The following NEDD1 variants were observed in gnomAD, a reference collection of about 807,000 sequenced individuals.
NEDD1 encodes protein NEDD1.
In NEDD1, 33 loss-of-function variants were observed where a neutral mutation model predicts 74.0. The observed-to-expected ratio is 0.45, with a 90% confidence interval of 0.34 to 0.60. The LOEUF (loss-of-function observed/expected upper bound fraction) is 0.60, where lower values mean the gene tolerates loss of function less well. NEDD1 is among the 20% of genes least tolerant of loss of function. The pLI is 0.01. For synonymous variants in NEDD1, 250 were observed against 264.4 expected (o/e 0.95, Z 0.53); for missense variants, 746 against 776.5 (o/e 0.96, Z 0.47).
chr12:96,921,341 C>T (rs1484858929), intron 6 of NEDD1, among the ~76,000 whole-genome samples: 1 of 152,066 alleles, frequency 6.6e-6, no homozygotes, highest in African/African-American at 2.4e-5. Context: ...ACCATCATGC[C>T]CAGCTAATTT....
chr12:96,920,445 T>A (rs1311743956), intron 6 of NEDD1, among the ~76,000 whole-genome samples: 3 of 152,198 alleles, frequency 2.0e-5, no homozygotes, highest in African/African-American at 7.2e-5. Context: ...TATAGAAATG[T>A]GTCACATAGC....
intron 6 of NEDD1, among the ~76,000 whole-genome samples, chr12:96,927,008 GTA>G (rs1054287637): frequency 7.8e-6 from 1 of 128,032 alleles, no homozygotes; most frequent in Admixed American, 8.1e-5. Flanking sequence ...GTGTGTGTGT[GTA>G]TAATATATAT....
chr12:96,941,358 C>T (rs373657679), intron 10 of NEDD1, among the ~76,000 whole-genome samples: 3 of 152,102 alleles, frequency 2.0e-5, no homozygotes, highest in East Asian at 3.9e-4. Context: ...AAATGTTCTA[C>T]AATTTTATAG....
chr12:96,907,684 G>T lies in NEDD1; in HGVS notation c.-181G>T. 1 of 1,550,538 alleles carries T rather than the reference G, an allele frequency of 6.4e-7. No individual in the cohort carries two copies. Among genetic ancestry groups the T allele is most frequent in the Non-Finnish European group, 8.7e-7 (1 of 1,146,130 alleles). ...AGTGTATTTTTGGTGATTGAAAGTT[G>T]GAGAACTTTCATTTCAGCTGAGTGG... On this transcript the variant is annotated 5_prime_UTR_variant, in exon 2 of 16. Coordinates refer to ENST00000266742, the MANE Select transcript of NEDD1 (RefSeq NM_152905.4).
At chr12:96,909,680 A>C in intron 2 of NEDD1, 72 bp from the exon 3 acceptor site, 1 of 1,225,822 alleles carries the variant, frequency 8.2e-7, no homozygotes, top group Non-Finnish European at 1.2e-6. Flanking sequence ...GTTTTAGATT[A>C]GATTTTGACC....
chr12:96,943,779 G>A lies in NEDD1; in HGVS notation c.1497+17G>A, dbSNP rs775358064. 15 of 1,517,242 alleles carry A rather than the reference G, an allele frequency of 9.9e-6. No individual in the cohort carries two copies. The South Asian group carries it at 1.6e-4, about 16-fold the overall frequency. The allele number at this position is 1,517,242 out of a possible 1,614,324, so 94.0% of individuals were successfully genotyped here. A position where few individuals can be genotyped will look rare whatever the true frequency, so the allele number is the denominator to read the frequency against. On this transcript the variant is annotated intron_variant, in intron 12 of 15. Coordinates refer to ENST00000266742, the MANE Select transcript of NEDD1 (RefSeq NM_152905.4). ...TTCAAACAGGTATTTGCCTGAAAAT[G>A]ATACTGAACTCACTGTATGTGTTTA... is the stretch of plus-strand genomic sequence containing the variant.
At position 96,920,071 on chromosome 12, in the gene NEDD1, A is replaced by G. The variant is rs2136530610; in HGVS notation, c.435A>G (p.Leu145=). 6.2e-7 allele frequency: 1 copy of G among 1,605,902 alleles called. No individual in the cohort carries two copies. Among genetic ancestry groups the G allele is most frequent in the Non-Finnish European group, 8.5e-7 (1 of 1,173,010 alleles). Residue 145 remains leucine, a synonymous_variant, in exon 6 of 16, where the codon TTA becomes TTG. Transcript: ENST00000266742. ...ASGSLSGEII[L]HSVTTNLSST... ...GATCTCTTAGTGGTGAAATTATTTT[A>G]CACAGTGTAACCACTAATTTATCTA...
intron 15 of NEDD1, 142 bp downstream of exon 15, chr12:96,951,640 A>C (rs936710238): frequency 1.3e-5 from 7 of 543,446 alleles, no homozygotes; most frequent in African/African-American, 7.9e-5. Context: ...TAAATAAGTA[A>C]AATAGATTTT....
At position 96,943,438 on chromosome 12, in the gene NEDD1, C is replaced by A. The variant is rs1877864853; in HGVS notation, c.1295-122C>A. On this transcript the variant is annotated intron_variant, in intron 11 of 15. Coordinates refer to ENST00000266742, the MANE Select transcript of NEDD1 (RefSeq NM_152905.4). ...TGCGGGGTGTATCTGAGAAACAAAC[C>A]AGTCTTCAGAATGCAGATCCATATC... is the stretch of plus-strand genomic sequence containing the variant. 16 of 680,124 alleles carry A rather than the reference C, an allele frequency of 2.4e-5. 1 individual carries two copies. The South Asian group carries it at 2.4e-4, about 10-fold the overall frequency. The allele number at this position is 680,124 out of a possible 1,614,324, so 42.1% of individuals were successfully genotyped here.
At chr12:96,926,320 T>G (rs1193679636) in intron 6 of NEDD1, among the ~76,000 whole-genome samples, 1 of 152,158 alleles carries the variant, frequency 6.6e-6, no homozygotes, top group Non-Finnish European at 1.5e-5. Context: ...AGTCTGTTGG[T>G]TTTTTTCCCC....
intron 10 of NEDD1, 68 bp downstream of exon 10, chr12:96,940,605 G>A: frequency 8.9e-7 from 1 of 1,124,230 alleles, no homozygotes; most frequent in Non-Finnish European, 1.3e-6. Context: ...TAAAAGATGT[G>A]AATAATAGCT....
At chr12:96,912,653 G>A (rs778238906) in intron 3 of NEDD1, 70 bp from the exon 4 acceptor site, 99 of 745,564 alleles carry the variant, frequency 1.3e-4, no homozygotes, top group Non-Finnish European at 2.0e-4. Flanking sequence ...TTTTATAATC[G>A]CAATTCTTAT....
chr12:96,931,764 C>T (rs1313621533), intron 6 of NEDD1, among the ~76,000 whole-genome samples: 1 of 151,866 alleles, frequency 6.6e-6, no homozygotes, highest in African/African-American at 2.4e-5. Context: ...AAGTATGATT[C>T]CAGGTTTTCT....
intron 6 of NEDD1, among the ~76,000 whole-genome samples, chr12:96,925,790 T>C (rs1194676229): frequency 6.6e-6 from 1 of 152,204 alleles, no homozygotes; most frequent in African/African-American, 2.4e-5. Context: ...TCAAAGCTTA[T>C]CTCTTATCTA....
At position 96,940,553 on chromosome 12, in the gene NEDD1, G is replaced by A. The variant is rs1272211674; in HGVS notation, c.1246+16G>A. ...ATCAGAGATGGTAAGTCTGTTCAGA[G>A]GATCCTGTTCTCTTGCTGGTAGTTA... On this transcript the variant is annotated intron_variant, in intron 10 of 15. Transcript: ENST00000266742. 2 of 1,577,014 alleles carry A rather than the reference G, an allele frequency of 1.3e-6. No individual in the cohort carries two copies. The highest frequency in any genetic ancestry group is 1.7e-5 in the Admixed American group (1 of 57,460).
At chr12:96,914,668 A>G (rs1311520499) in intron 4 of NEDD1, among the ~76,000 whole-genome samples, 2 of 152,166 alleles carry the variant, frequency 1.3e-5, no homozygotes, top group Admixed American at 6.5e-5. Context: ...AAAATAAATT[A>G]TGATCTTACT....
chr12:96,945,074 T>G (rs1878065989), intron 13 of NEDD1, among the ~76,000 whole-genome samples: 1 of 152,050 alleles, frequency 6.6e-6, no homozygotes, highest in Non-Finnish European at 1.5e-5. Context: ...GTAGGACCCT[T>G]TGAAAAGGGT....
intron 6 of NEDD1, among the ~76,000 whole-genome samples, chr12:96,927,502 A>C (rs548828168): frequency 4.6e-5 from 7 of 152,340 alleles, no homozygotes; most frequent in Admixed American, 3.3e-4. Context: ...TAGGCTCACA[A>C]ATAGGTTAAC....
At chr12:96,915,005 C>T (rs914049692) in intron 4 of NEDD1, among the ~76,000 whole-genome samples, 1 of 152,130 alleles carries the variant, frequency 6.6e-6, no homozygotes, top group African/African-American at 2.4e-5. Context: ...TATTTAAAGG[C>T]TGTTTTGATA....
Sources: gnomAD v4.1 joint callset for allele counts (sites outside exome capture counted in the v4.1 genomes callset) on GRCh38, gnomAD v4.1.1 for gene constraint, MANE v1.5 for transcripts, NCBI Gene and HGNC (gene_info 2026-07-23, HGNC 2026-07-21) for gene names.